The following KY variants were observed in gnomAD, a reference collection of about 807,000 sequenced individuals.
KY encodes kyphoscoliosis peptidase.
A neutral mutation model predicts 76.1 loss-of-function variants in KY; 43 were observed. The observed-to-expected ratio is 0.57, with a 90% CI of 0.44 to 0.73. The LOEUF (loss-of-function observed/expected upper bound fraction) is 0.73. Ranked by LOEUF, KY falls within the 30% of genes least tolerant of loss-of-function variation. The pLI is 0.00. For synonymous variants in KY, 277 were observed against 326.2 expected (o/e 0.85, Z 1.63); for missense variants, 722 against 828.9 (o/e 0.87, Z 1.58).
intron 3 of KY, among the ~76,000 whole-genome samples, chr3:134,634,791 A>T (rs1964707598): frequency 6.6e-6 from 1 of 152,186 alleles, no homozygotes; most frequent in Admixed American, 6.5e-5. Context: ...TTCTGCAGGG[A>T]CGACTGTGGG....
intron 3 of KY, among the ~76,000 whole-genome samples, chr3:134,640,621 A>G (rs1010259021): frequency 2.0e-5 from 3 of 152,202 alleles, no homozygotes; most frequent in African/African-American, 7.2e-5. Flanking sequence ...TGAATAAGAA[A>G]GTGGCACATG....
intron 3 of KY, 32 bp from the exon 4 acceptor site, chr3:134,629,727 C>T (rs1448026927): frequency 3.6e-6 from 5 of 1,406,768 alleles, no homozygotes; most frequent in Non-Finnish European, 5.0e-6. Flanking sequence ...CATTCTCAAC[C>T]AGATGCTGCC....
chr3:134,618,978 T>C (rs1050719453), intron 8 of KY, among the ~76,000 whole-genome samples, 170 bp downstream of exon 8: 2 of 152,222 alleles, frequency 1.3e-5, no homozygotes, highest in African/African-American at 4.8e-5. Context: ...AAGTCAATTA[T>C]GCTGGTGTTA....
intron 3 of KY, among the ~76,000 whole-genome samples, chr3:134,631,929 C>G (rs7640980): frequency 0.97 from 148,404 of 152,234 alleles, 72,445 homozygotes; most frequent in East Asian, 1. Flanking sequence ...ACTATATTCA[C>G]TTTCCAAGGA....
At position 134,647,578 on chromosome 3, in the gene KY, G is replaced by A. The variant is rs6782232; in HGVS notation, c.137-81C>T. ...CCAGTTGCAGACTTATCTAGGTTAT[G>A]GTAGAGCAGGTGGATCTTGGCTCTC... is the stretch of plus-strand genomic sequence containing the variant. On this transcript the variant is annotated intron_variant, in intron 1 of 10. Coordinates refer to ENST00000423778, the MANE Select transcript of KY (RefSeq NM_178554.6). 9.2e-3 allele frequency: 7,160 copies of A among 779,944 alleles called. 376 individuals are homozygous for A. In the African/African-American group the frequency reaches 0.11, roughly 12 times the overall value. 48.3% of individuals were successfully genotyped at this position (779,944 alleles called of 1,614,324 possible). A position where few individuals can be genotyped will look rare whatever the true frequency, so the allele number is the denominator to read the frequency against.
chr3:134,613,679 T>C (rs1440354054), intron 8 of KY, among the ~76,000 whole-genome samples: 1 of 152,368 alleles, frequency 6.6e-6, no homozygotes, highest in Non-Finnish European at 1.5e-5. Flanking sequence ...AACTCAGTTA[T>C]AAGCTTATGC....
chr3:134,621,220 A>G (rs999068628), intron 6 of KY, among the ~76,000 whole-genome samples: 11 of 152,366 alleles, frequency 7.2e-5, no homozygotes, highest in South Asian at 4.1e-4. Context: ...TGGAAAAGTC[A>G]GTTCTCAAAT....
At chr3:134,630,025 C>T (rs1249027615) in intron 3 of KY, among the ~76,000 whole-genome samples, 2 of 152,154 alleles carry the variant, frequency 1.3e-5, no homozygotes, top group African/African-American at 4.8e-5. Flanking sequence ...ATTTTTAAAG[C>T]ATTAGCAAAT....
chr3:134,648,875 G>A (rs1966751083), intron 1 of KY, among the ~76,000 whole-genome samples: 1 of 152,334 alleles, frequency 6.6e-6, no homozygotes, highest in Middle Eastern at 3.4e-3. Flanking sequence ...CCACTCTCCA[G>A]TGGAGGATCT....
chr3:134,621,879 A>C (rs1962671343), intron 6 of KY, among the ~76,000 whole-genome samples: 1 of 152,216 alleles, frequency 6.6e-6, no homozygotes. Context: ...AAACAAAACC[A>C]ACCCAATTCA....
intron 3 of KY, among the ~76,000 whole-genome samples, chr3:134,639,070 G>T (rs1174443924): frequency 5.4e-5 from 7 of 128,538 alleles, no homozygotes; most frequent in African/African-American, 8.9e-5. Flanking sequence ...CTACTTTGGA[G>T]TTTTTTTTTT....
chr3:134,613,974 C>A (rs1961025027), intron 8 of KY, among the ~76,000 whole-genome samples: 1 of 152,132 alleles, frequency 6.6e-6, no homozygotes, highest in South Asian at 2.1e-4. Flanking sequence ...CATGACATGG[C>A]ACCATACAAC....
intron 2 of KY, among the ~76,000 whole-genome samples, chr3:134,644,104 C>A (rs112787093): frequency 1.3e-5 from 2 of 152,202 alleles, no homozygotes; most frequent in Admixed American, 6.5e-5. Context: ...GGATTATAGG[C>A]GTGAGCCACC....
At chr3:134,605,955 T>C (rs1237842166) in intron 10 of KY, among the ~76,000 whole-genome samples, 2 of 152,250 alleles carry the variant, frequency 1.3e-5, no homozygotes, top group Non-Finnish European at 2.9e-5. Context: ...TCATGCTATT[T>C]TATTTGTCTA....
intron 8 of KY, among the ~76,000 whole-genome samples, chr3:134,617,092 A>C (rs1961698896): frequency 6.6e-6 from 1 of 152,154 alleles, no homozygotes. Flanking sequence ...TGGATCAAGG[A>C]GGCGATACCA....
At position 134,625,064 on chromosome 3, in the gene KY, A is replaced by C. The variant is rs759006534; in HGVS notation, c.472T>G (p.Tyr158Asp). The part of the protein sequence containing the change: ...DLQQFEKLDI[Y>D]ASQVTAKSGL... ...GCCAGCTGTCCTACCTGTGAGGCGTAGATATCCAATTTCTCAAACTGCTGC... is the reference window on the plus strand; with the variant it reads ...GCCAGCTGTCCTACCTGTGAGGCGTCGATATCCAATTTCTCAAACTGCTGC... Residue 158 changes from tyrosine to aspartate, a missense_variant, in exon 6 of 11, where the codon TAC becomes GAC. Around this residue, in one of 2 missense-constraint regions of KY, gnomAD observed 552 missense variants for 680.9 expected, o/e 0.81. Transcript: ENST00000423778. 1 of 1,598,458 alleles carries C rather than the reference A, an allele frequency of 6.3e-7. No individual in the cohort carries two copies. The highest frequency in any genetic ancestry group is 8.5e-7 in the Non-Finnish European group (1 of 1,172,356).
At chr3:134,627,918 C>T (rs1963685145) in intron 4 of KY, 100 bp from the exon 5 acceptor site, 1 of 857,772 alleles carries the variant, frequency 1.2e-6, no homozygotes, top group African/African-American at 1.7e-5. Flanking sequence ...TTGACCCCTC[C>T]TCTTTACTCT....
intron 4 of KY, 86 bp from the exon 5 acceptor site, chr3:134,627,904 G>T: frequency 9.9e-7 from 1 of 1,015,014 alleles, no homozygotes; most frequent in African/African-American, 1.6e-5. Flanking sequence ...GGTGGTCCTT[G>T]CTTTTGACCC....
intron 8 of KY, chr3:134,615,349 C>CTTTTTT (rs35886668): frequency 5.2e-5 from 5 of 96,152 alleles, no homozygotes; most frequent in Admixed American, 1.2e-4. Context: ...GTTCAAGAAG[C>CTTTTTT]TTTTTTTTTT....
Sources: gnomAD v4.1 joint callset for allele counts (sites outside exome capture counted in the v4.1 genomes callset) on GRCh38, gnomAD v4.1.1 for gene constraint, gnomAD v4.1.1 regional missense constraint, MANE v1.5 for transcripts, NCBI Gene and HGNC (gene_info 2026-07-23, HGNC 2026-07-21) for gene names.